The following TAMALIN variants were observed in gnomAD, a reference collection of about 807,000 sequenced individuals.
The protein encoded by TAMALIN is protein TAMALIN.
Under a neutral mutation model 38.5 loss-of-function variants are expected in TAMALIN, and 9 were observed. The ratio of observed to expected loss-of-function variants is 0.23; its 90% CI spans 0.14 to 0.41. TAMALIN has a LOEUF of 0.41. Ranked by LOEUF, TAMALIN falls within the 10% of genes least tolerant of loss-of-function variation. The pLI is 1.00. For missense variants in TAMALIN, 548 were observed against 554.1 expected, an observed-to-expected ratio of 0.99 and a Z score of 0.11; for synonymous variants, 306 against 256.5, an observed-to-expected ratio of 1.19 and a Z score of -1.85.
At position 52,006,950 on chromosome 12, in the gene TAMALIN, T is replaced by G. The variant is rs1942420204; in HGVS notation, c.-70T>G. 9.6e-7 allele frequency: 1 copy of G among 1,038,422 alleles called. No individual in the cohort carries two copies. The highest frequency in any genetic ancestry group is 1.2e-6 in the Non-Finnish European group (1 of 861,764). The allele number at this position is 1,038,422 out of a possible 1,614,324, so 64.3% of individuals were successfully genotyped here. ...CGACCCGCGGCCCGCCCGGCTGGCA[T>G]CCCCCAGCCGCCGCCAGCCCCGCCG... On this transcript the variant is annotated 5_prime_UTR_variant, in exon 1 of 8. Coordinates refer to ENST00000293662, the MANE Select transcript of TAMALIN (RefSeq NM_181711.4).
At chr12:52,012,166 G>A (rs1236098286) in intron 4 of TAMALIN, among the ~76,000 whole-genome samples, 3 of 152,232 alleles carry the variant, frequency 2.0e-5, no homozygotes, top group African/African-American at 4.8e-5. Flanking sequence ...CAACCCACTC[G>A]CCAGGTAACT....
chr12:52,008,595 G>T, intron 1 of TAMALIN: 15 of 985,396 alleles, frequency 1.5e-5, no homozygotes, highest in Non-Finnish European at 1.8e-5. Context: ...TCCTTGAAAC[G>T]GCCTGTACCT....
chr12:52,013,320 G>A (rs1022729842), intron 4 of TAMALIN, among the ~76,000 whole-genome samples: 3 of 151,498 alleles, frequency 2.0e-5, no homozygotes, highest in African/African-American at 4.9e-5. Flanking sequence ...CTCGTGATCC[G>A]CCCGCCTCGG....
Position 52,008,058 on chromosome 12 carries a change from C to T in TAMALIN, c.246+793C>T, listed in dbSNP as rs967959954. The T allele has an allele frequency of 3.0e-6, 3 of 985,334 alleles. No homozygotes were observed. The African/African-American group carries it at 5.2e-5, about 17-fold the overall frequency. The allele number at this position is 985,334 out of a possible 1,614,324, so 61.0% of individuals were successfully genotyped here. A position where few individuals can be genotyped will look rare whatever the true frequency, so the allele number is the denominator to read the frequency against. On this transcript the variant is annotated intron_variant, in intron 1 of 7. Transcript: ENST00000293662. The stretch of plus-strand genomic sequence containing the variant: ...TCCTTCGCCCCGGCCCCCAGCTAGC[C>T]CCCACACAATGAACAGCTTGTTGAG...
chr12:52,009,154 G>T (rs146028330), intron 1 of TAMALIN, 36 bp from the exon 2 acceptor site: 1 of 1,609,788 alleles, frequency 6.2e-7, no homozygotes, highest in Non-Finnish European at 8.5e-7. Flanking sequence ...GGACAGTCCC[G>T]CCTTACCTGC....
Position 52,008,965 on chromosome 12 carries a change from G to A in TAMALIN, c.247-225G>A, listed in dbSNP as rs1026799238. ...GGATCTGGAACCCAGGAGGATGGTT[G>A]TGTCCCTGCAGTCCCAGGTATGAAG... On this transcript the variant is annotated intron_variant, in intron 1 of 7. Transcript: ENST00000293662. 4.6e-5 allele frequency among the ~76,000 whole-genome samples: 7 copies of A among 152,228 alleles called. No homozygotes were observed. In the East Asian group the frequency reaches 7.7e-4, roughly 17 times the overall value.
At position 52,008,229 on chromosome 12, in the gene TAMALIN, G is replaced by T. The variant is rs1360354891; in HGVS notation, c.247-961G>T. 9 of 985,234 alleles carry T rather than the reference G, an allele frequency of 9.1e-6. No individual in the cohort carries two copies. The African/African-American group carries it at 1.2e-4, about 13-fold the overall frequency. 61.0% of individuals were successfully genotyped at this position (985,234 alleles called of 1,614,324 possible). ...TCTCTTCCTTGCCTTGGGCAGCTTTGGGGGAGGGTTAGCAAAGGCACAGAA... is the reference window on the plus strand; with the variant it reads ...TCTCTTCCTTGCCTTGGGCAGCTTTTGGGGAGGGTTAGCAAAGGCACAGAA... On this transcript the variant is annotated intron_variant, in intron 1 of 7. Coordinates refer to ENST00000293662, the MANE Select transcript of TAMALIN (RefSeq NM_181711.4).
Position 52,007,637 on chromosome 12 carries a change from C to A in TAMALIN, c.246+372C>A, listed in dbSNP as rs1259368753. ...CTCGCCCGAGGGACAGAGACAGCCC[C>A]AGGCAAGTTGAAGGTCCGAGAGCCC... is the stretch of plus-strand genomic sequence containing the variant. On this transcript the variant is annotated intron_variant, in intron 1 of 7. Transcript: ENST00000293662. The surrounding 1 kb of genome is among the most constrained non-coding windows in gnomAD (Gnocchi z 6.7). 5 of 985,290 alleles carry A rather than the reference C, an allele frequency of 5.1e-6. No homozygotes were observed. Among genetic ancestry groups the A allele is most frequent in the Non-Finnish European group, 6.0e-6 (5 of 829,920 alleles). 61.0% of individuals were successfully genotyped at this position (985,290 alleles called of 1,614,324 possible).
Position 52,015,126 on chromosome 12 carries a change from G to C in TAMALIN, c.1115G>C (p.Ser372Thr), listed in dbSNP as rs1194089403. 1 of 1,589,438 alleles carries C rather than the reference G, an allele frequency of 6.3e-7. No individual in the cohort carries two copies. The highest frequency in any genetic ancestry group is 8.5e-7 in the Non-Finnish European group (1 of 1,176,072). ...GPGLRKTKYR[S>T]FRRRLLKFIP... Reference sequence around the variant, plus strand: ...GGCCTGCGCAAAACCAAGTACCGCAGCTTCCGCCGGCGGCTGCTCAAGTTC... The same window carrying C: ...GGCCTGCGCAAAACCAAGTACCGCACCTTCCGCCGGCGGCTGCTCAAGTTC... The change falls in exon 8 of 8, where the codon AGC (serine) becomes ACC (threonine). Residue 372 changes from serine (S) to threonine (T), a missense_variant. This residue lies in a region of TAMALIN where 415 missense variants were observed against 417.0 expected (regional missense o/e 1.00). Transcript: ENST00000293662.
chr12:52,014,350 T>A lies in TAMALIN; in HGVS notation c.682+149T>A, dbSNP rs752146861. On this transcript the variant is annotated intron_variant, in intron 7 of 7. Coordinates refer to ENST00000293662, the MANE Select transcript of TAMALIN (RefSeq NM_181711.4). ...AAGGTTTGTTGAGCTACTACTACTT[T>A]GGGTACTGCCGCAGCCACATTTCTG... The A allele has an allele frequency of 5.7e-4, 405 of 711,220 alleles. 1 individual carries two copies. The highest frequency in any genetic ancestry group is 7.5e-4 in the Middle Eastern group (2 of 2,652). The allele number at this position is 711,220 out of a possible 1,614,324, so 44.1% of individuals were successfully genotyped here. A position where few individuals can be genotyped will look rare whatever the true frequency, so the allele number is the denominator to read the frequency against.
intron 4 of TAMALIN, among the ~76,000 whole-genome samples, chr12:52,012,158 A>G (rs1454528715): frequency 1.3e-5 from 2 of 152,114 alleles, no homozygotes; most frequent in African/African-American, 4.8e-5. Context: ...CTTTATAGCA[A>G]CCCACTCGCC....
At position 52,014,252 on chromosome 12, in the gene TAMALIN, C is replaced by T. The variant is rs1215555105; in HGVS notation, c.682+51C>T. 4.2e-6 allele frequency: 6 copies of T among 1,425,984 alleles called. No homozygotes were observed. In the Admixed American group the frequency reaches 1.2e-4, roughly 28 times the overall value. The allele number at this position is 1,425,984 out of a possible 1,614,324, so 88.3% of individuals were successfully genotyped here. On this transcript the variant is annotated intron_variant, in intron 7 of 7. Coordinates refer to ENST00000293662, the MANE Select transcript of TAMALIN (RefSeq NM_181711.4). ...GCCACTTGTTCTGCTACAGACACCC[C>T]ATCTGCGCTTCCCCCTCAGAACTGG... is the stretch of plus-strand genomic sequence containing the variant.
In TAMALIN at chr12:52,009,174, C is replaced by G; in HGVS notation, c.247-16C>G. 1 of 1,613,838 alleles carries G rather than the reference C, an allele frequency of 6.2e-7. No homozygotes were observed. The highest frequency in any genetic ancestry group is 8.5e-7 in the Non-Finnish European group (1 of 1,179,754). ...GTCCCGCCTTACCTGCTCCTTCTGACCATCTTACTGCCCAGGGCTCAGGAT... is the reference window on the plus strand; with the variant it reads ...GTCCCGCCTTACCTGCTCCTTCTGAGCATCTTACTGCCCAGGGCTCAGGAT... On this transcript the variant is annotated splice_polypyrimidine_tract_variant and intron_variant, in intron 1 of 7. Coordinates refer to ENST00000293662, the MANE Select transcript of TAMALIN (RefSeq NM_181711.4).
At chr12:52,010,398 C>G in intron 2 of TAMALIN, 7 of 609,814 alleles carry the variant, frequency 1.1e-5, no homozygotes, top group Non-Finnish European at 1.5e-5. Context: ...CTCCCCTCCC[C>G]CAGCCCCCAC....
chr12:52,014,503 C>T, intron 7 of TAMALIN, 191 bp from the exon 8 acceptor site: 1 of 603,652 alleles, frequency 1.7e-6, no homozygotes, highest in Non-Finnish European at 2.9e-6. Flanking sequence ...TAAGCGGCCC[C>T]CATAAGGATC....
rs1190289878 is a variant in TAMALIN, at chr12:52,007,463, G to T, written c.246+198G>T. ...TCGCCTGCACACCGCGCCCAGGCTC[G>T]GTGGCTCTTAACTCCGCGCCCCATG... On this transcript the variant is annotated intron_variant, in intron 1 of 7. Transcript: ENST00000293662. This position sits in a 1 kb window ranked among gnomAD's most constrained non-coding sequence, Gnocchi z 6.7. 4 of 984,954 alleles carry T rather than the reference G, an allele frequency of 4.1e-6. No individual in the cohort carries two copies. The highest frequency in any genetic ancestry group is 1.8e-5 in the African/African-American group (1 of 57,140). The allele number at this position is 984,954 out of a possible 1,614,324, so 61.0% of individuals were successfully genotyped here.
In TAMALIN at chr12:52,008,529, G is replaced by C. The variant is rs532533750; in HGVS notation, c.247-661G>C. On this transcript the variant is annotated intron_variant, in intron 1 of 7. Transcript: ENST00000293662. ...CACAAAATATATGGCAATGGAGAGA[G>C]AGACCCAGGTATAGCTGGGCACAGC... is the stretch of plus-strand genomic sequence containing the variant. The C allele has an allele frequency of 1.5e-5, 15 of 985,324 alleles. 1 individual carries two copies. Among genetic ancestry groups the C allele is most frequent in the African/African-American group, 1.4e-4 (8 of 57,312 alleles). The allele number at this position is 985,324 out of a possible 1,614,324, so 61.0% of individuals were successfully genotyped here.
In TAMALIN at chr12:52,014,744, T is replaced by C. The variant is rs1385474198; in HGVS notation, c.733T>C (p.Ser245Pro). 1 of 1,519,612 alleles carries C rather than the reference T, an allele frequency of 6.6e-7. No individual in the cohort carries two copies. Among genetic ancestry groups the C allele is most frequent in the Admixed American group, 2.2e-5 (1 of 46,076 alleles). The allele number at this position is 1,519,612 out of a possible 1,614,324, so 94.1% of individuals were successfully genotyped here. Residue 245 changes from serine (S) to proline (P), a missense_variant, in exon 8 of 8, where the codon TCC (serine) becomes CCC (proline). Physicochemically the swap from Ser to Pro is moderately conservative, Grantham distance 74. Around this residue, in one of 3 missense-constraint regions of TAMALIN, gnomAD observed 415 missense variants for 417.0 expected, o/e 1.00. Coordinates refer to ENST00000293662, the MANE Select transcript of TAMALIN (RefSeq NM_181711.4). ...CTACGACACGCTGGAGTCGGTGCGC[T>C]CCTGCCTCTACGGCGCGGGCCTGCT... ...SIYDTLESVR[S>P]CLYGAGLLPG...
At chr12:52,009,065 A>G in intron 1 of TAMALIN, 125 bp from the exon 2 acceptor site, 1 of 892,302 alleles carries the variant, frequency 1.1e-6, no homozygotes. Context: ...GCACCAAAAC[A>G]GGTGTGGATG....
Sources: gnomAD v4.1 joint callset for allele counts (sites outside exome capture counted in the v4.1 genomes callset) on GRCh38, gnomAD v4.1.1 for gene constraint, gnomAD v4.1.1 regional missense constraint, Gnocchi (gnomAD v3.1) non-coding constraint, MANE v1.5 for transcripts, NCBI Gene and HGNC (gene_info 2026-07-23, HGNC 2026-07-21) for gene names.